The following CAPZB variants were observed in gnomAD, a reference collection of about 807,000 sequenced individuals.
CAPZB encodes capping actin protein of muscle Z-line subunit beta, also known as F-actin-capping protein subunit beta.
CAPZB carries 2 observed loss-of-function variants against 38.1 expected under a neutral mutation model. That is an observed-to-expected ratio of 0.05 (90% CI 0.02 to 0.17). CAPZB has a LOEUF of 0.17. Among genes scored for constraint, CAPZB ranks in the 10% least tolerant of loss-of-function variants. The probability of loss-of-function intolerance (pLI) is 1.00; values close to 1 mark genes in which losing one functional copy is unlikely to be tolerated. For missense variants in CAPZB, 161 were observed against 334.2 expected (o/e 0.48, Z 4.04); for synonymous variants, 107 against 127.4 (o/e 0.84, Z 1.08).
At chr1:19,465,864 A>G (rs901689312) in intron 1 of CAPZB, among the ~76,000 whole-genome samples, 4 of 152,178 alleles carry the variant, frequency 2.6e-5, no homozygotes, top group African/African-American at 9.7e-5. Flanking sequence ...ACTCATTAAC[A>G]GTGATAAGAC....
At chr1:19,457,346 C>G (rs531588890) in intron 1 of CAPZB, among the ~76,000 whole-genome samples, 1 of 152,258 alleles carries the variant, frequency 6.6e-6, no homozygotes, top group African/African-American at 2.4e-5. Context: ...CCGCAGTGCT[C>G]GCTTCCGGGC....
At chr1:19,399,700 C>T (rs1000638523) in intron 2 of CAPZB, among the ~76,000 whole-genome samples, 2 of 152,068 alleles carry the variant, frequency 1.3e-5, no homozygotes, top group African/African-American at 2.4e-5. Flanking sequence ...TCTGGGCCTA[C>T]CACCTTCTAC....
intron 1 of CAPZB, among the ~76,000 whole-genome samples, chr1:19,433,941 T>C (rs2094450208): frequency 6.6e-6 from 1 of 152,246 alleles, no homozygotes; most frequent in African/African-American, 2.4e-5. Flanking sequence ...AACAGAATTC[T>C]GCAACAACTG....
chr1:19,353,661 G>C (rs1169594058), intron 6 of CAPZB, among the ~76,000 whole-genome samples: 21 of 152,276 alleles, frequency 1.4e-4, no homozygotes, highest in African/African-American at 5.1e-4. Context: ...GACTGGCAGA[G>C]CCACCTTCTG....
intron 1 of CAPZB, among the ~76,000 whole-genome samples, chr1:19,433,971 T>C (rs755128934): frequency 6.6e-6 from 1 of 152,188 alleles, no homozygotes; most frequent in Non-Finnish European, 1.5e-5. Context: ...CTCCCCTAAA[T>C]AGATCACCAA....
At chr1:19,462,383 G>T (rs1471958249) in intron 1 of CAPZB, among the ~76,000 whole-genome samples, 1 of 151,814 alleles carries the variant, frequency 6.6e-6, no homozygotes, top group African/African-American at 2.4e-5. Context: ...GCGTGAACCT[G>T]GGAGGCGGAG....
chr1:19,419,028 A>G (rs1233415758), intron 2 of CAPZB, among the ~76,000 whole-genome samples: 1 of 152,196 alleles, frequency 6.6e-6, no homozygotes, highest in African/African-American at 2.4e-5. Flanking sequence ...TCTTTCCAAT[A>G]TTTCCTATGG....
At chr1:19,369,039 C>G (rs1372710591) in intron 4 of CAPZB, among the ~76,000 whole-genome samples, 1 of 152,160 alleles carries the variant, frequency 6.6e-6, no homozygotes, top group Non-Finnish European at 1.5e-5. Flanking sequence ...TAGAGGAACC[C>G]AAGAATTCTA....
chr1:19,461,095 G>A (rs1184375982), intron 1 of CAPZB, among the ~76,000 whole-genome samples: 3 of 108,772 alleles, frequency 2.8e-5, no homozygotes, highest in Admixed American at 1.0e-4. Flanking sequence ...CTGGGCGGGG[G>A]CGGGGGGGGG....
At chr1:19,376,834 G>A (rs930440203) in intron 4 of CAPZB, among the ~76,000 whole-genome samples, 5 of 152,194 alleles carry the variant, frequency 3.3e-5, no homozygotes, top group African/African-American at 4.8e-5. Flanking sequence ...TAAATAAATC[G>A]ATGTTGGACT....
Position 19,412,375 on chromosome 1 carries a change from C to A in CAPZB, c.93+7286G>T, listed in dbSNP as rs148131491. On this transcript the variant is annotated intron_variant, in intron 2 of 8. Coordinates refer to ENST00000264202, the MANE Select transcript of CAPZB (RefSeq NM_004930.5). The stretch of plus-strand genomic sequence containing the variant: ...CCTTAACATAAACCCACGGGGAACT[C>A]TGGTGGAAAAAGCATTTTTTTAATG... 2.0e-3 allele frequency among the ~76,000 whole-genome samples: 298 copies of A among 152,258 alleles called. 3 individuals are homozygous for A. Among genetic ancestry groups the A allele is most frequent in the African/African-American group, 6.8e-3 (282 of 41,546 alleles).
chr1:19,370,807 C>T (rs1020389187), intron 4 of CAPZB, among the ~76,000 whole-genome samples: 11 of 152,156 alleles, frequency 7.2e-5, no homozygotes, highest in African/African-American at 2.4e-4. Flanking sequence ...CCCCTGTAAC[C>T]GACCCACAGT....
At chr1:19,416,860 C>CAAAAAAAAAAAAAAAAAAAAAAAAA (rs59789230) in intron 2 of CAPZB, among the ~76,000 whole-genome samples, 6 of 69,446 alleles carry the variant, frequency 8.6e-5, no homozygotes, top group African/African-American at 3.6e-4. Flanking sequence ...GACCCTGTCT[C>CAAAAAAAAAAAAAAAAAAAAAAAAA]AAAAAAAAAA....
At chr1:19,366,015 G>T (rs912993062) in intron 4 of CAPZB, among the ~76,000 whole-genome samples, 6 of 151,558 alleles carry the variant, frequency 4.0e-5, no homozygotes, top group African/African-American at 1.2e-4. Context: ...GCTAAGCTAG[G>T]AACCTGGGCC....
chr1:19,341,575 C>T (rs552900159), intron 8 of CAPZB, among the ~76,000 whole-genome samples: 2 of 152,226 alleles, frequency 1.3e-5, no homozygotes, highest in African/African-American at 4.8e-5. Flanking sequence ...CGAATCAGCG[C>T]TTGGAGACAG....
intron 4 of CAPZB, among the ~76,000 whole-genome samples, chr1:19,377,093 A>G (rs149630059): frequency 6.6e-6 from 1 of 152,324 alleles, no homozygotes; most frequent in African/African-American, 2.4e-5. Flanking sequence ...TATTAAACCA[A>G]TTCTACTTGG....
chr1:19,481,911 A>T (rs1412840990), intron 1 of CAPZB, among the ~76,000 whole-genome samples: 1 of 152,242 alleles, frequency 6.6e-6, no homozygotes, highest in Non-Finnish European at 1.5e-5. Flanking sequence ...CCATGAGGGC[A>T]GAGATCCTTG....
intron 8 of CAPZB, chr1:19,342,767 T>C (rs780113200): frequency 1.2e-6 from 2 of 1,610,024 alleles, no homozygotes; most frequent in Non-Finnish European, 1.7e-6. Context: ...TCGGCTTAAT[T>C]ATCAGGCTGG....
chr1:19,385,508 T>C lies in CAPZB; in HGVS notation c.212A>G (p.Tyr71Cys). The C allele has an allele frequency of 6.2e-7, 1 of 1,612,674 alleles. No homozygotes were observed. The highest frequency in any genetic ancestry group is 8.5e-7 in the Non-Finnish European group (1 of 1,179,962). ...CATCCCCGGGGCATGAGCTCACCTA[T>C]AGGAGTCCCCATCTCTGTTGTAGTC... ...LCDYNRDGDSYRSPWSNKYDP... is the reference protein window; with the variant it reads ...LCDYNRDGDSCRSPWSNKYDP... The change falls in exon 3 of 9, where the codon TAT becomes TGT. Residue 71 changes from tyrosine to cysteine, a missense_variant. Coordinates refer to ENST00000264202, the MANE Select transcript of CAPZB (RefSeq NM_004930.5).
Sources: allele counts gnomAD v4.1 joint callset (sites outside exome capture counted in the v4.1 genomes callset), GRCh38; gene constraint gnomAD v4.1.1; transcripts MANE v1.5; gene names NCBI Gene and HGNC (gene_info 2026-07-23, HGNC 2026-07-21).